PLGRKT: variants seen among roughly 807,000 people sequenced by gnomAD.
PLGRKT encodes plasminogen receptor with a C-terminal lysine.
PLGRKT carries 22 observed loss-of-function variants against 18.5 expected under a neutral mutation model. The observed-to-expected ratio is 1.19, with a 90% confidence interval of 0.85 to 1.70. The LOEUF is 1.70. PLGRKT is among the 40% of genes most tolerant of loss of function. The probability of loss-of-function intolerance (pLI) is 0.00; values close to 1 mark genes in which losing one functional copy is unlikely to be tolerated. For synonymous variants in PLGRKT, 72 were observed against 52.8 expected (o/e 1.36, Z -1.58); for missense variants, 235 against 174.4 (o/e 1.35, Z -1.96).
intron 3 of PLGRKT, among the ~76,000 whole-genome samples, chr9:5,395,119 C>A (rs1244963970): frequency 1.5e-5 from 2 of 136,414 alleles, no homozygotes; most frequent in African/African-American, 2.7e-5. Flanking sequence ...AAAAAAAAAA[C>A]TTAATGAAAG....
intron 3 of PLGRKT, among the ~76,000 whole-genome samples, chr9:5,394,032 C>A (rs1817997973): frequency 6.6e-6 from 1 of 151,760 alleles, no homozygotes; most frequent in African/African-American, 2.4e-5. Flanking sequence ...TCTCCCTAGC[C>A]CAGCATTCTA....
intron 3 of PLGRKT, among the ~76,000 whole-genome samples, chr9:5,429,887 G>C (rs1307929744): frequency 2.0e-5 from 3 of 152,174 alleles, no homozygotes; most frequent in Non-Finnish European, 4.4e-5. Flanking sequence ...GTAACTCCCA[G>C]GTCTGACATC....
chr9:5,388,922 T>C (rs1234923035), intron 3 of PLGRKT, among the ~76,000 whole-genome samples: 2 of 152,074 alleles, frequency 1.3e-5, no homozygotes, highest in South Asian at 2.1e-4. Flanking sequence ...ATTTATGATA[T>C]TGTCATGATA....
At chr9:5,433,626 T>C (rs1221353956) in intron 2 of PLGRKT, among the ~76,000 whole-genome samples, 4 of 140,210 alleles carry the variant, frequency 2.9e-5, no homozygotes, top group African/African-American at 1.1e-4. Context: ...GTCTGGGATG[T>C]GAGGAGCGCC....
At chr9:5,379,372 T>C (rs1431368594) in intron 3 of PLGRKT, among the ~76,000 whole-genome samples, 1 of 152,184 alleles carries the variant, frequency 6.6e-6, no homozygotes, top group Non-Finnish European at 1.5e-5. Flanking sequence ...ACTACAGAGA[T>C]GTGCTGTTCA....
At chr9:5,380,435 G>A (rs1817720575) in intron 3 of PLGRKT, among the ~76,000 whole-genome samples, 1 of 149,692 alleles carries the variant, frequency 6.7e-6, no homozygotes, top group Non-Finnish European at 1.5e-5. Flanking sequence ...TACTTATGAT[G>A]TGCCAGATAC....
rs780925465 is a variant in PLGRKT, at chr9:5,361,825, A to C, written c.145T>G (p.Trp49Gly). 1 of 1,613,282 alleles carries C rather than the reference A, an allele frequency of 6.2e-7. No homozygotes were observed. Among genetic ancestry groups the C allele is most frequent in the Non-Finnish European group, 8.5e-7 (1 of 1,179,420 alleles). The change falls in exon 4 of 6, where the codon TGG (tryptophan) becomes GGG (glycine). Residue 49 changes from tryptophan to glycine, a missense_variant. Transcript: ENST00000223864. The part of the protein sequence containing the change: ...RERQMAMQIA[W>G]SREFLKYFGT... ...AAATATTTGAGGAATTCCCGAGACC[A>C]CGCAATCTGCATGGCCATTTGTCTT...
chr9:5,391,874 G>A (rs1427536146), intron 3 of PLGRKT, among the ~76,000 whole-genome samples: 2 of 151,896 alleles, frequency 1.3e-5, no homozygotes, highest in Non-Finnish European at 2.9e-5. Context: ...TAATTTAGAC[G>A]CACCTCCCCT....
intron 3 of PLGRKT, among the ~76,000 whole-genome samples, chr9:5,424,203 A>T (rs1818633843): frequency 7.2e-6 from 1 of 137,952 alleles, no homozygotes; most frequent in African/African-American, 2.7e-5. Context: ...ATAATACATA[A>T]TATATGTAAT....
chr9:5,417,203 A>T (rs1337169548), intron 3 of PLGRKT, among the ~76,000 whole-genome samples: 1 of 152,230 alleles, frequency 6.6e-6, no homozygotes, highest in Non-Finnish European at 1.5e-5. Context: ...AGAACCTGGT[A>T]AGCAGTTTCT....
intron 5 of PLGRKT, among the ~76,000 whole-genome samples, chr9:5,359,955 T>C (rs1342653869): frequency 6.6e-6 from 1 of 152,242 alleles, no homozygotes; most frequent in Non-Finnish European, 1.5e-5. Context: ...TTCCACATAC[T>C]AAATTGATTC....
chr9:5,420,390 G>C (rs1045219932), intron 3 of PLGRKT, among the ~76,000 whole-genome samples: 3 of 152,114 alleles, frequency 2.0e-5, no homozygotes, highest in African/African-American at 7.2e-5. Context: ...TTAAAATGGT[G>C]ACGTTTATAT....
chr9:5,376,557 C>CACCT (rs973688643), intron 3 of PLGRKT, among the ~76,000 whole-genome samples: 12 of 152,258 alleles, frequency 7.9e-5, no homozygotes, highest in African/African-American at 2.9e-4. Flanking sequence ...ATTTAAAATG[C>CACCT]ACCTACTCTT....
intron 3 of PLGRKT, among the ~76,000 whole-genome samples, chr9:5,407,159 A>G (rs1347403614): frequency 6.6e-6 from 1 of 152,236 alleles, no homozygotes; most frequent in African/African-American, 2.4e-5. Context: ...TAAAACATGT[A>G]CAATGATTGA....
chr9:5,435,001 T>C (rs984660154), intron 2 of PLGRKT, among the ~76,000 whole-genome samples: 3 of 152,012 alleles, frequency 2.0e-5, no homozygotes, highest in Non-Finnish European at 2.9e-5. Context: ...TGGGATGCTG[T>C]TAATCTATAA....
At position 5,358,241 on chromosome 9, in the gene PLGRKT, A is replaced by G; in HGVS notation, c.442T>C (p.Ter148ArgextTer14). The G allele has an allele frequency of 1.2e-6, 2 of 1,608,140 alleles. No individual in the cohort carries two copies. Among genetic ancestry groups the G allele is most frequent in the Non-Finnish European group, 1.7e-6 (2 of 1,175,456 alleles). The change falls in exon 6 of 6, where the codon TGA (stop) becomes CGA (arginine). Residue 148 changes from the stop codon to arginine, a stop_lost. Transcript: ENST00000223864. ...KEQSRFFIDK* is the reference protein window; with the variant it reads ...KEQSRFFIDKR ...AGATTTGATTGGTAAGCATGATTTC[A>G]TTTGTCTATGAAGAATCTACTCTGT... is the stretch of plus-strand genomic sequence containing the variant.
intron 3 of PLGRKT, among the ~76,000 whole-genome samples, chr9:5,406,488 C>G (rs1269670497): frequency 2.0e-5 from 3 of 152,220 alleles, no homozygotes; most frequent in South Asian, 2.1e-4. Flanking sequence ...AAGCCATTAT[C>G]CTCAACAAAC....
intron 2 of PLGRKT, among the ~76,000 whole-genome samples, chr9:5,433,935 C>T (rs1818894378): frequency 7.5e-6 from 1 of 133,246 alleles, no homozygotes; most frequent in Admixed American, 7.8e-5. Flanking sequence ...TTGAGGAGCA[C>T]CTCTGCCCGG....
chr9:5,360,376 G>T (rs1817236780), intron 5 of PLGRKT, among the ~76,000 whole-genome samples: 1 of 152,180 alleles, frequency 6.6e-6, no homozygotes, highest in Admixed American at 6.5e-5. Context: ...TCATGTTTCT[G>T]TTTCAAGGAT....
Sources: allele counts gnomAD v4.1 joint callset (sites outside exome capture counted in the v4.1 genomes callset), GRCh38; gene constraint gnomAD v4.1.1; transcripts MANE v1.5; gene names NCBI Gene and HGNC (gene_info 2026-07-23, HGNC 2026-07-21).